Variants in FYB2 observed in about 807,000 individuals in gnomAD.
The protein encoded by FYB2 is FYN binding protein 2, also known as FYN-binding protein 2.
FYB2 carries 103 observed loss-of-function variants against 94.1 expected under a neutral mutation model. The ratio of observed to expected loss-of-function variants is 1.09; its 90% CI spans 0.93 to 1.29. FYB2 has a LOEUF of 1.29. Ranked by LOEUF, FYB2 falls within the 50% of genes most tolerant of loss-of-function variation. The pLI is 0.00. For synonymous variants in FYB2, 293 were observed against 287.9 expected (o/e 1.02, Z -0.18); for missense variants, 896 against 841.5 (o/e 1.06, Z -0.80).
At chr1:56,815,067 C>A (rs1223030519) in intron 1 of FYB2, among the ~76,000 whole-genome samples, 1 of 152,156 alleles carries the variant, frequency 6.6e-6, no homozygotes. Flanking sequence ...CATTGAAGGC[C>A]TTTCAATATC....
intron 5 of FYB2, among the ~76,000 whole-genome samples, chr1:56,764,590 T>G (rs905709890): frequency 1.3e-5 from 2 of 152,148 alleles, no homozygotes; most frequent in Non-Finnish European, 2.9e-5. Flanking sequence ...TAGAGACATT[T>G]TATTTCTTTG....
chr1:56,726,574 A>G lies in FYB2; in HGVS notation c.1803T>C (p.Asp601=), dbSNP rs766650834. ...ACTTGGGCTTCCACATTTTCAGTTTATCTTCATCTCTGAGGAGAAATATAT... is the reference window on the plus strand; with the variant it reads ...ACTTGGGCTTCCACATTTTCAGTTTGTCTTCATCTCTGAGGAGAAATATAT... ...DLSEKESKDE[D]KLKMWKPKFL... The change falls in exon 16 of 20, where the codon GAT becomes GAC. Residue 601 remains aspartate (D), a synonymous_variant. Transcript: ENST00000343433. 6.2e-7 allele frequency: 1 copy of G among 1,610,264 alleles called. No individual in the cohort carries two copies. The highest frequency in any genetic ancestry group is 8.5e-7 in the Non-Finnish European group (1 of 1,177,784).
intron 5 of FYB2, 135 bp from the exon 6 acceptor site, chr1:56,758,885 CTATCTAGAAAGT>C: frequency 1.8e-6 from 1 of 559,806 alleles, no homozygotes. Flanking sequence ...ATGTAAAGCT[CTATCTAGAAAGT>C]TTGGGAAATT....
At chr1:56,724,450 C>T (rs978333664) in intron 16 of FYB2, among the ~76,000 whole-genome samples, 1 of 151,972 alleles carries the variant, frequency 6.6e-6, no homozygotes, top group African/African-American at 2.4e-5. Flanking sequence ...AGTCTTATTC[C>T]TAAGTGTCCC....
In FYB2 at chr1:56,779,346, C is replaced by G. The variant is rs116759396; in HGVS notation, c.953+7829G>C. On this transcript the variant is annotated intron_variant, in intron 4 of 19. Transcript: ENST00000343433. ...GAGGAGAGAAGAAAGGAGCGTGCCTCTCATGTGGGCTAATAAATCAGAACA... is the reference window on the plus strand; with the variant it reads ...GAGGAGAGAAGAAAGGAGCGTGCCTGTCATGTGGGCTAATAAATCAGAACA... Among the ~76,000 whole-genome samples the G allele has an allele frequency of 4.9e-3, 741 of 152,240 alleles. 7 individuals carry two copies. Among genetic ancestry groups the G allele is most frequent in the South Asian group, 0.021 (102 of 4,804 alleles).
At chr1:56,733,882 A>ATATTCTGT (rs1644769387) in intron 15 of FYB2, among the ~76,000 whole-genome samples, 1 of 152,104 alleles carries the variant, frequency 6.6e-6, no homozygotes, top group African/African-American at 2.4e-5. Context: ...AGAATAATGT[A>ATATTCTGT]TATTCTGTTG....
chr1:56,804,143 C>T (rs1646583830), intron 1 of FYB2, among the ~76,000 whole-genome samples: 1 of 152,162 alleles, frequency 6.6e-6, no homozygotes, highest in African/African-American at 2.4e-5. Context: ...TGGTCTTATG[C>T]CCTTTGCCAC....
chr1:56,801,170 C>T (rs1464938675), intron 1 of FYB2, among the ~76,000 whole-genome samples: 1 of 152,134 alleles, frequency 6.6e-6, no homozygotes, highest in East Asian at 1.9e-4. Context: ...TGCTCTAACT[C>T]GAACTCATCT....
In FYB2 at chr1:56,814,988, T is replaced by C. The variant is rs185521287; in HGVS notation, c.9+4294A>G. Among the ~76,000 whole-genome samples the C allele has an allele frequency of 2.6e-5, 4 of 152,286 alleles. No homozygotes were observed. In the East Asian group the frequency reaches 7.8e-4, roughly 30 times the overall value. ...ATGACAAGACCTCAGTGATATTTAG[T>C]TGGACCTCCCATCTTAGAGGTGAAG... On this transcript the variant is annotated intron_variant, in intron 1 of 19. Transcript: ENST00000343433.
chr1:56,727,546 A>G (rs1389704594), intron 15 of FYB2, among the ~76,000 whole-genome samples: 1 of 152,166 alleles, frequency 6.6e-6, no homozygotes, highest in East Asian at 1.9e-4. Context: ...TATTTGAATA[A>G]AAAAGTTACA....
chr1:56,726,210 T>G (rs1644580148), intron 16 of FYB2, among the ~76,000 whole-genome samples: 1 of 152,096 alleles, frequency 6.6e-6, no homozygotes, highest in African/African-American at 2.4e-5. Flanking sequence ...AAAAGAAAAC[T>G]GGAAATTTGT....
At position 56,723,578 on chromosome 1, in the gene FYB2, G is replaced by C; in HGVS notation, c.1974+10C>G. 6.8e-7 allele frequency: 1 copy of C among 1,465,894 alleles called. No homozygotes were observed. Among genetic ancestry groups the C allele is most frequent in the Non-Finnish European group, 9.4e-7 (1 of 1,067,822 alleles). The allele number at this position is 1,465,894 out of a possible 1,614,324, so 90.8% of individuals were successfully genotyped here. A position where few individuals can be genotyped will look rare whatever the true frequency, so the allele number is the denominator to read the frequency against. The stretch of plus-strand genomic sequence containing the variant: ...ATATTGCTAATTTTTACCTTCAGAA[G>C]AGAACGTACCTTAAACCTTTCTCTA... On this transcript the variant is annotated intron_variant, in intron 17 of 19. Transcript: ENST00000343433.
chr1:56,788,905 T>G, intron 3 of FYB2, 68 bp downstream of exon 3: 1 of 1,579,056 alleles, frequency 6.3e-7, no homozygotes, highest in Non-Finnish European at 8.7e-7. Flanking sequence ...CATCGTCACC[T>G]GGGAGAGGAT....
At position 56,812,936 on chromosome 1, in the gene FYB2, G is replaced by T. The variant is rs191660186; in HGVS notation, c.9+6346C>A. On this transcript the variant is annotated intron_variant, in intron 1 of 19. Transcript: ENST00000343433. ...CACAGACTATGTGGCTTCAACAAGA[G>T]AAATGTATTGCCTTACAGTTCTAGA... 2.0e-4 allele frequency among the ~76,000 whole-genome samples: 31 copies of T among 152,360 alleles called. No homozygotes were observed. The East Asian group carries it at 6.0e-3, about 29-fold the overall frequency.
chr1:56,751,431 G>A (rs1450040822), intron 8 of FYB2, among the ~76,000 whole-genome samples: 2 of 151,996 alleles, frequency 1.3e-5, no homozygotes, highest in African/African-American at 4.8e-5. Context: ...CTCACAGGAA[G>A]CAGTCAGGAT....
In FYB2 at chr1:56,792,425, C is replaced by T. The variant is rs1198975145; in HGVS notation, c.388G>A (p.Val130Ile). The T allele has an allele frequency of 6.2e-7, 1 of 1,614,186 alleles. No homozygotes were observed. Among genetic ancestry groups the T allele is most frequent in the Admixed American group, 1.7e-5 (1 of 60,026 alleles). ...SNVEIITKEK[V>I]MVANSFRNKL... Reference sequence around the variant, plus strand: ...TTTCTGAAGCTATTGGCCACCATTACTTTTTCCTTAGTGATTATCTCAACA... The same window carrying T: ...TTTCTGAAGCTATTGGCCACCATTATTTTTTCCTTAGTGATTATCTCAACA... Residue 130 changes from valine to isoleucine, a missense_variant, in exon 2 of 20, where the codon GTA (valine) becomes ATA (isoleucine). Val to Ile is a conservative substitution (Grantham distance 29). Transcript: ENST00000343433.
intron 5 of FYB2, among the ~76,000 whole-genome samples, chr1:56,766,646 C>G (rs1645630137): frequency 6.6e-6 from 1 of 152,084 alleles, no homozygotes; most frequent in Non-Finnish European, 1.5e-5. Flanking sequence ...ACCGTGTTAG[C>G]CAGGATGGTC....
At chr1:56,725,682 A>C (rs1040445080) in intron 16 of FYB2, among the ~76,000 whole-genome samples, 8 of 152,076 alleles carry the variant, frequency 5.3e-5, no homozygotes, top group African/African-American at 1.9e-4. Flanking sequence ...AATAAATTAC[A>C]TCAAGTCTAA....
At chr1:56,795,817 T>G (rs1646384644) in intron 1 of FYB2, among the ~76,000 whole-genome samples, 1 of 152,180 alleles carries the variant, frequency 6.6e-6, no homozygotes, top group Non-Finnish European at 1.5e-5. Flanking sequence ...AGCCCTAGTA[T>G]GAAATAGAAT....
Sources: allele counts gnomAD v4.1 joint callset (sites outside exome capture counted in the v4.1 genomes callset), GRCh38; gene constraint gnomAD v4.1.1; transcripts MANE v1.5; gene names NCBI Gene and HGNC (gene_info 2026-07-23, HGNC 2026-07-21).